RELL1: variants seen among roughly 807,000 people sequenced by gnomAD.
RELL1 encodes RELT like 1, also known as RELT-like protein 1.
A neutral mutation model predicts 23.0 loss-of-function variants in RELL1; 10 were observed. That is an observed-to-expected ratio of 0.43 (90% CI 0.27 to 0.74). The LOEUF (loss-of-function observed/expected upper bound fraction) is 0.74. Among genes scored for constraint, RELL1 ranks in the 30% least tolerant of loss-of-function variants. The pLI is 0.19. For missense variants in RELL1, 315 were observed against 364.4 expected (o/e 0.86, Z 1.10); for synonymous variants, 146 against 146.8 (o/e 0.99, Z 0.04).
Position 37,612,346 on chromosome 4 carries a change from AAAC to A in RELL1, c.*997_*999del, listed in dbSNP as rs1560328443. On this transcript the variant is annotated 3_prime_UTR_variant, in exon 7 of 7. Coordinates refer to ENST00000454158, the MANE Select transcript of RELL1 (RefSeq NM_001085400.2). The stretch of plus-strand genomic sequence containing the variant: ...TTAAAAAAAAAAAAAAAACAAAAAA[AAAC>A]AAAAAACCGGGTGCAGTGGCCCACG... Among the ~76,000 whole-genome samples, 2 of 130,174 alleles carry A rather than the reference AAAC, an allele frequency of 1.5e-5. No homozygotes were observed. The highest frequency in any genetic ancestry group is 3.0e-5 in the African/African-American group (1 of 33,322). 85.4% of individuals were successfully genotyped at this position (130,174 alleles called of 152,430 possible).
At chr4:37,624,083 G>A (rs1719857398) in intron 6 of RELL1, among the ~76,000 whole-genome samples, 1 of 152,074 alleles carries the variant, frequency 6.6e-6, no homozygotes, top group African/African-American at 2.4e-5. Context: ...TCCTGCCACA[G>A]AGTCCAAAAA....
intron 1 of RELL1, among the ~76,000 whole-genome samples, chr4:37,679,021 C>T (rs1002233047): frequency 2.6e-5 from 4 of 152,006 alleles, no homozygotes; most frequent in Admixed American, 1.3e-4. Context: ...GAGAAGAAGC[C>T]GGGGGCCTTG....
At chr4:37,590,009 C>T (rs968311224), downstream of RELL1, 7 of 973,266 alleles carry the variant, frequency 7.2e-6, no homozygotes, top group South Asian at 1.6e-5. Flanking sequence ...TAGCAGGAAT[C>T]GTAGAAAGAA....
At chr4:37,672,381 G>A (rs1721862994) in intron 1 of RELL1, among the ~76,000 whole-genome samples, 1 of 151,872 alleles carries the variant, frequency 6.6e-6, no homozygotes, top group African/African-American at 2.4e-5. Flanking sequence ...AAATCCCAAG[G>A]GTTATTTTTA....
At chr4:37,636,368 G>C (rs1420079394) in intron 4 of RELL1, among the ~76,000 whole-genome samples, 1 of 152,116 alleles carries the variant, frequency 6.6e-6, no homozygotes, top group African/African-American at 2.4e-5. Context: ...AGCCGAAGCG[G>C]GCAGATCACG....
In RELL1 at chr4:37,612,322, T is replaced by TAA. The variant is rs1553872212; in HGVS notation, c.*1022_*1023dup. Among the ~76,000 whole-genome samples, 26 of 83,498 alleles carry TAA rather than the reference T, an allele frequency of 3.1e-4. No homozygotes were observed. The highest frequency in any genetic ancestry group is 1.3e-3 in the African/African-American group (22 of 17,582). 54.8% of individuals were successfully genotyped at this position (83,498 alleles called of 152,430 possible). On this transcript the variant is annotated 3_prime_UTR_variant, in exon 7 of 7. Transcript: ENST00000454158. Reference sequence around the variant, plus strand: ...AACCAAGAATCGCTCAGCTAAAGGTTAAAAAAAAAAAAAAAACAAAAAAAA... The same window carrying TAA: ...AACCAAGAATCGCTCAGCTAAAGGTTAAAAAAAAAAAAAAAAAACAAAAAAAA...
intron 6 of RELL1, among the ~76,000 whole-genome samples, chr4:37,602,540 T>G (rs1719043487): frequency 6.6e-6 from 1 of 152,018 alleles, no homozygotes. Context: ...CAAAGTTGTG[T>G]GTGCTGGACC....
At chr4:37,618,106 G>A (rs1463280760) in intron 6 of RELL1, among the ~76,000 whole-genome samples, 2 of 152,178 alleles carry the variant, frequency 1.3e-5, no homozygotes, top group Non-Finnish European at 2.9e-5. Flanking sequence ...GAGCCATGCT[G>A]CATATCATTT....
intron 6 of RELL1, among the ~76,000 whole-genome samples, chr4:37,597,597 G>A (rs536762417): frequency 4.5e-4 from 68 of 152,294 alleles, no homozygotes; most frequent in African/African-American, 1.5e-3. Context: ...CTCATCAGCC[G>A]ACGTGCTGCT....
At chr4:37,608,674 C>T (rs1447489642), downstream of RELL1, among the ~76,000 whole-genome samples, 1 of 146,338 alleles carries the variant, frequency 6.8e-6, no homozygotes, top group African/African-American at 2.5e-5. Context: ...GAGACAGAGT[C>T]TAGCTCTGTC....
intron 6 of RELL1, among the ~76,000 whole-genome samples, chr4:37,602,514 C>T (rs1560322567): frequency 6.6e-6 from 1 of 152,010 alleles, no homozygotes; most frequent in Non-Finnish European, 1.5e-5. Flanking sequence ...AACTGGCCGG[C>T]TCAACTCGAC....
intron 1 of RELL1, among the ~76,000 whole-genome samples, chr4:37,680,191 A>G: frequency 6.6e-6 from 1 of 152,212 alleles, no homozygotes; most frequent in Middle Eastern, 3.2e-3. Context: ...AAATTAGCGA[A>G]TATGTTTTTC....
chr4:37,590,142 C>T (rs749851720), downstream of RELL1: 7 of 1,614,130 alleles, frequency 4.3e-6, no homozygotes, highest in Admixed American at 1.2e-4. Flanking sequence ...ATGAAGTCAA[C>T]AGCTGCAAGC....
chr4:37,605,842 AG>A (rs1560324779), downstream of RELL1, among the ~76,000 whole-genome samples: 13 of 117,590 alleles, frequency 1.1e-4, no homozygotes, highest in African/African-American at 3.5e-4. Context: ...AAAGAAAGAA[AG>A]AAGGAAAAGA....
intron 1 of RELL1, among the ~76,000 whole-genome samples, chr4:37,671,728 GCTGTGGAATAGC>G (rs1196899672): frequency 3.9e-5 from 6 of 152,100 alleles, no homozygotes; most frequent in Admixed American, 2.0e-4. Context: ...CCCGAGGGCT[GCTGTGGAATAGC>G]CTGTGGAATA....
intron 6 of RELL1, among the ~76,000 whole-genome samples, chr4:37,604,810 G>T (rs113606431): frequency 2.3e-4 from 17 of 73,558 alleles, no homozygotes; most frequent in South Asian, 9.3e-4. Flanking sequence ...CACACACACA[G>T]ACACACACAC....
Position 37,634,988 on chromosome 4 carries a change from A to G in RELL1, c.579T>C (p.His193=), listed in dbSNP as rs1344587321. The change falls in exon 5 of 7, where the codon CAT becomes CAC. Residue 193 remains histidine (H), a synonymous_variant. Transcript: ENST00000454158. The stretch of plus-strand genomic sequence containing the variant: ...AGTGCCACCGCTTGTGCCTACACCG[A>G]TGACACACATCCCTCTCGACAACAC... ...VGGVVERDVC[H]RCRHKRWHFI... 3.7e-6 allele frequency: 6 copies of G among 1,614,096 alleles called. No individual in the cohort carries two copies. Among genetic ancestry groups the G allele is most frequent in the Admixed American group, 1.7e-5 (1 of 60,010 alleles).
chr4:37,634,770 G>C lies in RELL1; in HGVS notation c.680+117C>G, dbSNP rs1720260488. 3 of 896,544 alleles carry C rather than the reference G, an allele frequency of 3.3e-6. No individual in the cohort carries two copies. In the South Asian group the frequency reaches 4.5e-5, roughly 13 times the overall value. The allele number at this position is 896,544 out of a possible 1,614,324, so 55.5% of individuals were successfully genotyped here. A position where few individuals can be genotyped will look rare whatever the true frequency, so the allele number is the denominator to read the frequency against. On this transcript the variant is annotated intron_variant, in intron 5 of 6. Transcript: ENST00000454158. ...CACCAGAAAACATCTAAAAAGCCCA[G>C]AGATATAACCTGAGACAGGCACAGA...
intron 1 of RELL1, among the ~76,000 whole-genome samples, chr4:37,654,190 C>T (rs1179999317): frequency 1.3e-5 from 2 of 152,112 alleles, no homozygotes; most frequent in African/African-American, 2.4e-5. Context: ...AGCCACTAGC[C>T]ACATGTAGCT....
Sources: gnomAD v4.1 joint callset for allele counts (sites outside exome capture counted in the v4.1 genomes callset) on GRCh38, gnomAD v4.1.1 for gene constraint, MANE v1.5 for transcripts, NCBI Gene and HGNC (gene_info 2026-07-23, HGNC 2026-07-21) for gene names.